NLK: variants seen among roughly 807,000 people sequenced by gnomAD.
The protein encoded by NLK is serine/threonine-protein kinase NLK.
Under a neutral mutation model 59.0 loss-of-function variants are expected in NLK, and 11 were observed. The ratio of observed to expected loss-of-function variants is 0.19; its 90% CI spans 0.12 to 0.31. The LOEUF (loss-of-function observed/expected upper bound fraction) is 0.31. Ranked by LOEUF, NLK falls within the 10% of genes least tolerant of loss-of-function variation. The pLI is 1.00. For synonymous variants in NLK, 235 were observed against 235.9 expected (o/e 1.00, Z 0.03); for missense variants, 410 against 661.1 (o/e 0.62, Z 4.16).
intron 1 of NLK, among the ~76,000 whole-genome samples, chr17:28,063,718 A>G (rs1909741673): frequency 6.6e-6 from 1 of 152,162 alleles, no homozygotes; most frequent in Non-Finnish European, 1.5e-5. Flanking sequence ...CTCACTCTTT[A>G]TTCTCTGGAG....
intron 1 of NLK, among the ~76,000 whole-genome samples, chr17:28,109,804 G>T (rs2142801279): frequency 6.6e-6 from 1 of 152,302 alleles, no homozygotes; most frequent in South Asian, 2.1e-4. Flanking sequence ...ATATGTCTTT[G>T]TGTGGACATA....
rs960100981 is a variant in NLK at position 28,084,028 on chromosome 17, G to T, written c.459-38575G>T. 6.6e-5 allele frequency among the ~76,000 whole-genome samples: 10 copies of T among 152,184 alleles called. No individual in the cohort carries two copies. The South Asian group carries it at 2.1e-3, about 31-fold the overall frequency. ...ATATCATGATACAGCTGTGAGGGCT[G>T]TGTGGAAGACCCATTAGCCCAGTAT... On this transcript the variant is annotated intron_variant, in intron 1 of 10. Coordinates refer to ENST00000407008, the MANE Select transcript of NLK (RefSeq NM_016231.5).
intron 1 of NLK, among the ~76,000 whole-genome samples, chr17:28,078,369 T>G (rs1171881185): frequency 2.0e-5 from 3 of 152,226 alleles, no homozygotes; most frequent in Non-Finnish European, 4.4e-5. Flanking sequence ...GATTTTATTT[T>G]TTAAGTCAGT....
At chr17:28,204,234 A>T in the NLK span, among the ~76,000 whole-genome samples, 15 of 152,234 alleles carry the variant, frequency 9.9e-5, no homozygotes, top group Admixed American at 9.8e-4. Context: ...CAGTCATCCT[A>T]GCCCCAGAGT....
chr17:28,168,922 G>C (rs955017946), intron 6 of NLK, among the ~76,000 whole-genome samples: 10 of 152,082 alleles, frequency 6.6e-5, no homozygotes, highest in African/African-American at 2.4e-4. Flanking sequence ...TTTTGCTCTT[G>C]TTGCCCAGGC....
At chr17:28,086,464 G>A (rs1910519178) in intron 1 of NLK, among the ~76,000 whole-genome samples, 1 of 151,884 alleles carries the variant, frequency 6.6e-6, no homozygotes. Flanking sequence ...CTACTAGATG[G>A]CATCTAGAAG....
rs779603950 is a variant in NLK, at chr17:28,042,896, C to T, written c.23C>T (p.Ala8Val). 18 of 1,523,002 alleles carry T rather than the reference C, an allele frequency of 1.2e-5. No homozygotes were observed. The highest frequency in any genetic ancestry group is 1.6e-5 in the Non-Finnish European group (18 of 1,129,568). 94.3% of individuals were successfully genotyped at this position (1,523,002 alleles called of 1,614,324 possible). MSLCGAR[A>V]NAKMMAAYNG... Reference sequence around the variant, plus strand: ...TGAATGTCTCTTTGTGGCGCAAGAGCCAACGCAAAAATGATGGCGGCTTAC... The same window carrying T: ...TGAATGTCTCTTTGTGGCGCAAGAGTCAACGCAAAAATGATGGCGGCTTAC... The change falls in exon 1 of 11, where the codon GCC (alanine) becomes GTC (valine). Residue 8 changes from alanine to valine, a missense_variant. Transcript: ENST00000407008.
At chr17:28,171,791 A>G (rs1419086819) in intron 6 of NLK, among the ~76,000 whole-genome samples, 1 of 152,190 alleles carries the variant, frequency 6.6e-6, no homozygotes, top group African/African-American at 2.4e-5. Context: ...GAGGAGTTCA[A>G]CTTTGCAAAG....
At chr17:28,111,900 T>TGGG (rs1409446718) in intron 1 of NLK, among the ~76,000 whole-genome samples, 4 of 99,598 alleles carry the variant, frequency 4.0e-5, no homozygotes, top group Non-Finnish European at 6.3e-5. Context: ...GTGTGTGGTG[T>TGGG]GTGTGTGTGT....
chr17:28,082,095 T>C (rs1348186768), intron 1 of NLK, among the ~76,000 whole-genome samples: 4 of 152,188 alleles, frequency 2.6e-5, no homozygotes, highest in Admixed American at 2.6e-4. Context: ...GGTTTTGCTA[T>C]GTTGGCCATG....
intron 1 of NLK, among the ~76,000 whole-genome samples, chr17:28,122,396 C>T (rs921490111): frequency 6.6e-6 from 1 of 151,642 alleles, no homozygotes; most frequent in African/African-American, 2.4e-5. Flanking sequence ...TAAAGCATGG[C>T]AGATGAGTTG....
At chr17:28,120,050 T>G (rs1245856024) in intron 1 of NLK, among the ~76,000 whole-genome samples, 1 of 152,212 alleles carries the variant, frequency 6.6e-6, no homozygotes, top group East Asian at 1.9e-4. Context: ...CAGTGTGTGA[T>G]CTGAAGTTTT....
At chr17:28,054,329 G>C (rs997720334) in intron 1 of NLK, among the ~76,000 whole-genome samples, 1 of 152,130 alleles carries the variant, frequency 6.6e-6, no homozygotes, top group African/African-American at 2.4e-5. Flanking sequence ...CATAGCCAGC[G>C]TTCAAAGTAA....
chr17:28,071,068 C>G (rs1909991714), intron 1 of NLK, among the ~76,000 whole-genome samples: 1 of 152,170 alleles, frequency 6.6e-6, no homozygotes. Flanking sequence ...ATAGGATGTT[C>G]AGCATCATCC....
At chr17:28,079,274 TAGAC>T (rs1311749344) in intron 1 of NLK, among the ~76,000 whole-genome samples, 5 of 152,240 alleles carry the variant, frequency 3.3e-5, no homozygotes, top group Non-Finnish European at 5.9e-5. Context: ...TATCCATTGA[TAGAC>T]AGATGTTTCC....
At chr17:28,142,497 A>G (rs868081223) in intron 3 of NLK, among the ~76,000 whole-genome samples, 3 of 152,224 alleles carry the variant, frequency 2.0e-5, no homozygotes, top group South Asian at 2.1e-4. Context: ...TGCAAAGAAG[A>G]TGATGAGATT....
chr17:28,160,817 A>G (rs1907974814), intron 3 of NLK, among the ~76,000 whole-genome samples: 1 of 152,168 alleles, frequency 6.6e-6, no homozygotes, highest in South Asian at 2.1e-4. Context: ...TTCAAAGGAC[A>G]TTCCTGTAAT....
At chr17:28,054,673 G>T (rs897580539) in intron 1 of NLK, among the ~76,000 whole-genome samples, 19 of 152,290 alleles carry the variant, frequency 1.2e-4, no homozygotes, top group African/African-American at 4.3e-4. Flanking sequence ...GGCCAGTCTT[G>T]TTTCAGTTTA....
At chr17:28,117,117 A>G (rs1567718474) in intron 1 of NLK, among the ~76,000 whole-genome samples, 1 of 152,172 alleles carries the variant, frequency 6.6e-6, no homozygotes, top group Non-Finnish European at 1.5e-5. Context: ...AAAATCCAGC[A>G]TGGCAGTTTT....
Sources: gnomAD v4.1 joint callset for allele counts (sites outside exome capture counted in the v4.1 genomes callset) on GRCh38, gnomAD v4.1.1 for gene constraint, MANE v1.5 for transcripts, NCBI Gene and HGNC (gene_info 2026-07-23, HGNC 2026-07-21) for gene names.